Variants in CSMD3 observed in about 807,000 individuals in gnomAD.
CSMD3 encodes the protein CUB and Sushi multiple domains 3.
In CSMD3, 177 loss-of-function variants were observed where a neutral mutation model predicts 435.2. That is an observed-to-expected ratio of 0.41 (90% CI 0.36 to 0.46). The LOEUF is 0.46. Ranked by LOEUF, CSMD3 falls within the 20% of genes least tolerant of loss-of-function variation. CSMD3 has a pLI of 0.34. For synonymous variants in CSMD3, 1,656 were observed against 1,520.5 expected, an observed-to-expected ratio of 1.09 and a Z score of -2.07; for missense variants, 4,265 against 4,504.6, an observed-to-expected ratio of 0.95 and a Z score of 1.52.
At chr8:113,270,337 G>A (rs1246320033) in intron 3 of CSMD3, among the ~76,000 whole-genome samples, 1 of 150,226 alleles carries the variant, frequency 6.7e-6, no homozygotes, top group African/African-American at 2.5e-5. Flanking sequence ...AGGTGCTGGA[G>A]ATGATGTGAA....
intron 2 of CSMD3, among the ~76,000 whole-genome samples, chr8:113,306,866 AATTATGTCC>A (rs1292064218): frequency 6.6e-6 from 1 of 152,138 alleles, no homozygotes. Flanking sequence ...TCTGTTCCTT[AATTATGTCC>A]ATTAGGCTTT....
chr8:113,436,726 T>C lies in CSMD3; in HGVS notation c.129A>G (p.Gly43=), dbSNP rs2130152822. 1 of 1,614,114 alleles carries C rather than the reference T, an allele frequency of 6.2e-7. No homozygotes were observed. The highest frequency in any genetic ancestry group is 8.5e-7 in the Non-Finnish European group (1 of 1,180,016). ...AAAAGACGAGGTTCCAAAACGTAAA[T>C]CCACTTTTAATCCCCATTTTCTTCA... ...ILMKKMGIKS[G]FTFWNLVFLL... is the part of the protein sequence containing the mutation. The change falls in exon 1 of 71, where the codon GGA becomes GGG. Residue 43 remains glycine (G), a synonymous_variant. Transcript: ENST00000297405.
At position 112,564,622 on chromosome 8, in the gene CSMD3, AC is replaced by A. The variant is rs1828922454; in HGVS notation, c.4043-7669del. Among the ~76,000 whole-genome samples the A allele has an allele frequency of 2.6e-5, 4 of 151,642 alleles. No individual in the cohort carries two copies. The South Asian group carries it at 8.4e-4, about 32-fold the overall frequency. On this transcript the variant is annotated intron_variant, in intron 24 of 70. Transcript: ENST00000297405. The stretch of plus-strand genomic sequence containing the variant: ...ACATCCAACAACCTGACAGCACCAT[AC>A]TCCTGCCTGTAGCTGCTGGTGGAAA...
At chr8:112,464,257 A>G (rs926878715) in intron 32 of CSMD3, among the ~76,000 whole-genome samples, 10 of 150,600 alleles carry the variant, frequency 6.6e-5, no homozygotes, top group Non-Finnish European at 1.2e-4. Flanking sequence ...AAAAAAAAAA[A>G]TTGCCTTTGC....
At chr8:112,893,966 CT>C (rs35826758) in intron 10 of CSMD3, among the ~76,000 whole-genome samples, 75,879 of 150,966 alleles carry the variant, frequency 0.5, 19,596 homozygotes, top group East Asian at 0.79. Context: ...TACAAAGGCA[CT>C]GTGTTGTAAC....
chr8:112,418,136 A>G (rs1347386630), intron 32 of CSMD3, among the ~76,000 whole-genome samples: 1 of 152,190 alleles, frequency 6.6e-6, no homozygotes, highest in Non-Finnish European at 1.5e-5. Context: ...GAAGGATTCA[A>G]ATCAAAGATG....
intron 13 of CSMD3, among the ~76,000 whole-genome samples, chr8:112,758,663 A>G (rs1044006921): frequency 3.9e-5 from 6 of 152,142 alleles, no homozygotes; most frequent in African/African-American, 1.4e-4. Flanking sequence ...ACTTCATAAT[A>G]ATAAGGTATT....
intron 2 of CSMD3, among the ~76,000 whole-genome samples, chr8:113,294,430 C>A (rs189865818): frequency 2.2e-4 from 33 of 152,064 alleles, no homozygotes; most frequent in African/African-American, 6.7e-4. Flanking sequence ...AAAACAAAGG[C>A]CTATGAGAAT....
intron 10 of CSMD3, among the ~76,000 whole-genome samples, chr8:112,894,973 A>G (rs2081909353): frequency 6.6e-6 from 1 of 151,388 alleles, no homozygotes; most frequent in Non-Finnish European, 1.5e-5. Flanking sequence ...ACTTTTTGCT[A>G]GAATGGAAAA....
At chr8:112,256,132 G>T (rs1216928460) in intron 61 of CSMD3, among the ~76,000 whole-genome samples, 2 of 152,000 alleles carry the variant, frequency 1.3e-5, no homozygotes, top group Admixed American at 1.3e-4. Context: ...AATTACTAAA[G>T]AAAAACATTA....
intron 6 of CSMD3, among the ~76,000 whole-genome samples, chr8:112,976,574 G>A (rs1167276290): frequency 6.6e-6 from 1 of 151,594 alleles, no homozygotes; most frequent in Non-Finnish European, 1.5e-5. Flanking sequence ...ACAGTTTCTG[G>A]GAAAAATATC....
At chr8:113,314,501 CTT>C in intron 2 of CSMD3, 68 bp downstream of exon 2, 1 of 898,304 alleles carries the variant, frequency 1.1e-6, no homozygotes, top group Non-Finnish European at 1.9e-6. Context: ...TGTTAAGCAT[CTT>C]TTGTAAAATA....
At chr8:112,267,335 T>C (rs1343590290) in intron 59 of CSMD3, among the ~76,000 whole-genome samples, 1 of 152,108 alleles carries the variant, frequency 6.6e-6, no homozygotes, top group African/African-American at 2.4e-5. Context: ...TTCTCAATAA[T>C]AATAGAGTTT....
chr8:112,607,891 G>GAAC (rs1832923959), intron 22 of CSMD3, among the ~76,000 whole-genome samples: 1 of 152,016 alleles, frequency 6.6e-6, no homozygotes, highest in Non-Finnish European at 1.5e-5. Context: ...ACAAGATTAG[G>GAAC]AACAAGACAA....
intron 38 of CSMD3, among the ~76,000 whole-genome samples, chr8:112,362,276 T>G (rs1321300955): frequency 6.6e-6 from 1 of 151,976 alleles, no homozygotes. Flanking sequence ...GGATAAACTT[T>G]TTTGGAAGCA....
At chr8:113,376,001 C>T (rs2094380236) in intron 1 of CSMD3, among the ~76,000 whole-genome samples, 1 of 152,108 alleles carries the variant, frequency 6.6e-6, no homozygotes, top group African/African-American at 2.4e-5. Context: ...CTAAGACGCT[C>T]ACTCAAGGTT....
At chr8:112,606,237 T>G (rs891700787) in intron 22 of CSMD3, among the ~76,000 whole-genome samples, 1 of 152,132 alleles carries the variant, frequency 6.6e-6, no homozygotes, top group East Asian at 1.9e-4. Flanking sequence ...CTACAGCCCA[T>G]GATTTCTCCT....
At chr8:113,037,906 A>C (rs565060186) in intron 5 of CSMD3, among the ~76,000 whole-genome samples, 1 of 152,112 alleles carries the variant, frequency 6.6e-6, no homozygotes, top group African/African-American at 2.4e-5. Flanking sequence ...ATTTATATGG[A>C]GTTGTGGAAA....
chr8:113,038,150 C>CA (rs1306912233), intron 5 of CSMD3, among the ~76,000 whole-genome samples: 14 of 152,042 alleles, frequency 9.2e-5, no homozygotes, highest in Non-Finnish European at 1.9e-4. Context: ...ACACAGGTGT[C>CA]AGTCAACATA....
Sources: gnomAD v4.1 joint callset for allele counts (sites outside exome capture counted in the v4.1 genomes callset) on GRCh38, gnomAD v4.1.1 for gene constraint, MANE v1.5 for transcripts, NCBI Gene and HGNC (gene_info 2026-07-23, HGNC 2026-07-21) for gene names.